TAFA4: variants seen among roughly 807,000 people sequenced by gnomAD.
TAFA4 encodes the protein chemokine-like protein TAFA-4.
A neutral mutation model predicts 21.1 loss-of-function variants in TAFA4; 20 were observed. The ratio of observed to expected loss-of-function variants is 0.95; its 90% CI spans 0.67 to 1.38. TAFA4 has a LOEUF of 1.38. Ranked by LOEUF, TAFA4 falls within the 40% of genes most tolerant of loss-of-function variation. The pLI is 0.00. For missense variants in TAFA4, 211 were observed against 180.9 expected, an observed-to-expected ratio of 1.17 and a Z score of -0.95; for synonymous variants, 71 against 67.4, an observed-to-expected ratio of 1.05 and a Z score of -0.26.
At chr3:68,763,293 A>G (rs1349470784) in intron 3 of TAFA4, among the ~76,000 whole-genome samples, 1 of 152,210 alleles carries the variant, frequency 6.6e-6, no homozygotes, top group African/African-American at 2.4e-5. Flanking sequence ...ATGATATATT[A>G]GACTATATTA....
intron 1 of TAFA4, among the ~76,000 whole-genome samples, chr3:68,927,879 C>G (rs1241458232): frequency 6.7e-6 from 1 of 149,372 alleles, no homozygotes; most frequent in Non-Finnish European, 1.5e-5. Flanking sequence ...GCCTGGGTAA[C>G]AGAGACACCA....
intron 1 of TAFA4, among the ~76,000 whole-genome samples, chr3:68,905,599 G>A (rs2089891380): frequency 6.6e-6 from 1 of 152,120 alleles, no homozygotes; most frequent in Non-Finnish European, 1.5e-5. Flanking sequence ...GGGGAGTCAG[G>A]GATTGTCATT....
intron 2 of TAFA4, among the ~76,000 whole-genome samples, chr3:68,884,526 C>G (rs531837786): frequency 2.2e-4 from 34 of 152,296 alleles, no homozygotes; most frequent in African/African-American, 7.7e-4. Context: ...GTGTATCTTC[C>G]GCTCAGTTTC....
At chr3:68,832,057 G>A (rs1559536708) in intron 3 of TAFA4, among the ~76,000 whole-genome samples, 2 of 152,016 alleles carry the variant, frequency 1.3e-5, no homozygotes, top group Non-Finnish European at 2.9e-5. Context: ...CTCTACACTG[G>A]TTATTCCAGT....
intron 1 of TAFA4, among the ~76,000 whole-genome samples, chr3:68,926,320 T>C: frequency 6.6e-6 from 1 of 152,164 alleles, no homozygotes; most frequent in East Asian, 1.9e-4. Context: ...AGGAATTGTC[T>C]CTGGGTGGCA....
chr3:68,889,780 C>A (rs1031714467), intron 1 of TAFA4, among the ~76,000 whole-genome samples: 2 of 151,654 alleles, frequency 1.3e-5, no homozygotes, highest in African/African-American at 2.4e-5. Context: ...TCATGAAAGA[C>A]AAAAAAAATT....
chr3:68,741,515 C>A (rs1575590937), intron 4 of TAFA4, among the ~76,000 whole-genome samples: 1 of 152,242 alleles, frequency 6.6e-6, no homozygotes, highest in Non-Finnish European at 1.5e-5. Flanking sequence ...AAGAACTTGG[C>A]CGGGTGCCGT....
At chr3:68,810,418 C>T (rs575466913) in intron 3 of TAFA4, among the ~76,000 whole-genome samples, 1 of 152,316 alleles carries the variant, frequency 6.6e-6, no homozygotes, top group South Asian at 2.1e-4. Flanking sequence ...AATTCCCTTT[C>T]CTAGTCAAAG....
At chr3:68,744,902 A>C (rs1216238007) in intron 4 of TAFA4, among the ~76,000 whole-genome samples, 1 of 152,190 alleles carries the variant, frequency 6.6e-6, no homozygotes. Flanking sequence ...TTAAAATAGC[A>C]AGCTGCCCTG....
chr3:68,841,934 T>A (rs144055281), intron 3 of TAFA4, among the ~76,000 whole-genome samples: 2 of 152,332 alleles, frequency 1.3e-5, no homozygotes, highest in African/African-American at 2.4e-5. Flanking sequence ...ATTTTCTTAA[T>A]CCAGTCTATC....
rs1011601837 is a variant in TAFA4 at position 68,932,537 on chromosome 3, G to C, written c.-420C>G. On this transcript the variant is annotated 5_prime_UTR_variant, in exon 1 of 6. Coordinates refer to ENST00000295569, the MANE Select transcript of TAFA4 (RefSeq NM_182522.5). Reference sequence around the variant, plus strand: ...TGCGCCCCGTCCAGGGCGGCGCGCAGCTAGCAGTGCGGAGCCGAGCCCAGC... The same window carrying C: ...TGCGCCCCGTCCAGGGCGGCGCGCACCTAGCAGTGCGGAGCCGAGCCCAGC... 1.2e-4 allele frequency: 18 copies of C among 152,038 alleles called. No individual in the cohort carries two copies. Among genetic ancestry groups the C allele is most frequent in the African/African-American group, 4.4e-4 (18 of 41,356 alleles). The allele number at this position is 152,038 out of a possible 1,614,324, so 9.4% of individuals were successfully genotyped here.
chr3:68,785,262 C>T (rs141833759), intron 3 of TAFA4, among the ~76,000 whole-genome samples: 22,560 of 152,284 alleles, frequency 0.15, 2,596 homozygotes, highest in East Asian at 0.44. Flanking sequence ...CAGTGGATCT[C>T]GCACTGGGGC....
At chr3:68,771,839 G>A (rs1026608683) in intron 3 of TAFA4, among the ~76,000 whole-genome samples, 5 of 152,176 alleles carry the variant, frequency 3.3e-5, no homozygotes, top group African/African-American at 1.2e-4. Flanking sequence ...CCAAAATTGT[G>A]TGTTACCAAA....
At chr3:68,793,166 T>C (rs1703394264) in intron 3 of TAFA4, among the ~76,000 whole-genome samples, 1 of 152,176 alleles carries the variant, frequency 6.6e-6, no homozygotes, top group Non-Finnish European at 1.5e-5. Context: ...AAATGTACCC[T>C]GGGAGATGGA....
intron 1 of TAFA4, among the ~76,000 whole-genome samples, chr3:68,924,324 C>T (rs759476141): frequency 5.9e-5 from 9 of 152,172 alleles, no homozygotes; most frequent in Admixed American, 6.5e-5. Flanking sequence ...CTGACACATG[C>T]TACAACATGG....
intron 3 of TAFA4, among the ~76,000 whole-genome samples, chr3:68,861,384 A>G (rs2089342217): frequency 6.6e-6 from 1 of 151,788 alleles, no homozygotes; most frequent in Non-Finnish European, 1.5e-5. Context: ...AGGAAAGAAA[A>G]ATGTCCTGTT....
intron 1 of TAFA4, among the ~76,000 whole-genome samples, chr3:68,903,004 T>A (rs1203913891): frequency 1.7e-5 from 2 of 117,180 alleles, no homozygotes; most frequent in African/African-American, 3.8e-5. Context: ...CGAAAGGAAC[T>A]GAAAAAATTA....
chr3:68,879,898 C>T (rs2089596040), intron 3 of TAFA4, among the ~76,000 whole-genome samples: 1 of 152,174 alleles, frequency 6.6e-6, no homozygotes, highest in Non-Finnish European at 1.5e-5. Flanking sequence ...GAAGTCAAAA[C>T]ATTTCTGGCA....
intron 1 of TAFA4, among the ~76,000 whole-genome samples, chr3:68,900,748 G>C (rs2089837436): frequency 6.6e-6 from 1 of 152,138 alleles, no homozygotes; most frequent in Non-Finnish European, 1.5e-5. Flanking sequence ...CTGAATCAAT[G>C]AATGGATTTG....
Sources: allele counts gnomAD v4.1 joint callset (sites outside exome capture counted in the v4.1 genomes callset), GRCh38; gene constraint gnomAD v4.1.1; transcripts MANE v1.5; gene names NCBI Gene and HGNC (gene_info 2026-07-23, HGNC 2026-07-21).